The following SLCO6A1 variants were observed in gnomAD, a reference collection of about 807,000 sequenced individuals.
SLCO6A1 encodes cancer/testis antigen 48.
Under a neutral mutation model 72.7 loss-of-function variants are expected in SLCO6A1, and 65 were observed. The ratio of observed to expected loss-of-function variants is 0.89; its 90% CI spans 0.73 to 1.10. SLCO6A1 has a LOEUF of 1.10. Ranked by LOEUF, SLCO6A1 falls within the 50% of genes least tolerant of loss-of-function variation. SLCO6A1 has a pLI of 0.00. For synonymous variants in SLCO6A1, 314 were observed against 298.2 expected (o/e 1.05, Z -0.55); for missense variants, 874 against 872.6 (o/e 1.00, Z -0.02).
chr5:102,482,593 T>C (rs1444239851), intron 1 of SLCO6A1, among the ~76,000 whole-genome samples: 4 of 152,208 alleles, frequency 2.6e-5, no homozygotes, highest in Non-Finnish European at 5.9e-5. Context: ...CAATAAGACA[T>C]CATAATTATC....
intron 1 of SLCO6A1, among the ~76,000 whole-genome samples, chr5:102,492,762 C>A: frequency 6.6e-6 from 1 of 152,208 alleles, no homozygotes; most frequent in East Asian, 1.9e-4. Flanking sequence ...CTCAGAGGGT[C>A]CCATGCCCAC....
intron 6 of SLCO6A1, among the ~76,000 whole-genome samples, chr5:102,444,296 A>G (rs2112699974): frequency 6.6e-6 from 1 of 152,282 alleles, no homozygotes; most frequent in East Asian, 1.9e-4. Context: ...ATAGTGTCCC[A>G]ACTAATTTCT....
chr5:102,427,894 G>A (rs1360884259), intron 7 of SLCO6A1, among the ~76,000 whole-genome samples: 8 of 117,296 alleles, frequency 6.8e-5, no homozygotes, highest in African/African-American at 2.0e-4. Flanking sequence ...TTTTGAGACC[G>A]AGTCTTGCTC....
At chr5:102,426,608 G>C (rs1382481435) in intron 7 of SLCO6A1, among the ~76,000 whole-genome samples, 3 of 152,136 alleles carry the variant, frequency 2.0e-5, no homozygotes, top group Non-Finnish European at 4.4e-5. Context: ...TCATTAAAAA[G>C]TCAGGAAACA....
intron 1 of SLCO6A1, among the ~76,000 whole-genome samples, chr5:102,490,221 T>G (rs1695569016): frequency 6.6e-6 from 1 of 152,148 alleles, no homozygotes; most frequent in Non-Finnish European, 1.5e-5. Flanking sequence ...TACTGTATAC[T>G]TCAAAATAGC....
chr5:102,496,196 G>T (rs1339604926), intron 1 of SLCO6A1, among the ~76,000 whole-genome samples: 1 of 152,204 alleles, frequency 6.6e-6, no homozygotes, highest in African/African-American at 2.4e-5. Flanking sequence ...AACTGGGCAT[G>T]TATAGGGAAA....
intron 4 of SLCO6A1, among the ~76,000 whole-genome samples, chr5:102,463,888 A>T (rs1212904188): frequency 1.1e-5 from 1 of 94,326 alleles, no homozygotes. Flanking sequence ...CTCCGTCTCA[A>T]AAAAGAAGAA....
chr5:102,420,921 T>C (rs1435094360), intron 7 of SLCO6A1, among the ~76,000 whole-genome samples: 4 of 151,852 alleles, frequency 2.6e-5, no homozygotes, highest in Non-Finnish European at 5.9e-5. Flanking sequence ...AGGTACCCGG[T>C]TCATCTCACC....
chr5:102,475,977 T>C (rs950205269), intron 3 of SLCO6A1, among the ~76,000 whole-genome samples, 184 bp from the exon 4 acceptor site: 2 of 152,144 alleles, frequency 1.3e-5, no homozygotes, highest in Admixed American at 1.3e-4. Context: ...CCAAGTATCA[T>C]TATGTTCTCA....
rs1554065644 is a variant in SLCO6A1, at chr5:102,389,454, C to CG, written c.1880-630_1880-629insC. 6.3e-4 allele frequency among the ~76,000 whole-genome samples: 52 copies of CG among 82,172 alleles called. 1 individual carries two copies. The highest frequency in any genetic ancestry group is 1.1e-3 in the East Asian group (3 of 2,654). 53.9% of individuals were successfully genotyped at this position (82,172 alleles called of 152,430 possible). On this transcript the variant is annotated intron_variant, in intron 11 of 13. Coordinates refer to ENST00000506729, the MANE Select transcript of SLCO6A1 (RefSeq NM_173488.5). The stretch of plus-strand genomic sequence containing the variant: ...AACAGTCACACACCCCGCCCCCCAC[C>CG]CCCACACACACAGAGTTGCCCCCAA...
intron 4 of SLCO6A1, among the ~76,000 whole-genome samples, chr5:102,473,192 T>C (rs1751719738): frequency 6.6e-6 from 1 of 151,742 alleles, no homozygotes. Flanking sequence ...CAGACTAATA[T>C]CTCTGATGAA....
chr5:102,479,245 C>T (rs1752063021), intron 2 of SLCO6A1, among the ~76,000 whole-genome samples: 1 of 152,114 alleles, frequency 6.6e-6, no homozygotes, highest in African/African-American at 2.4e-5. Flanking sequence ...CTCTCTCCTG[C>T]TACAATGTGA....
At chr5:102,392,938 T>TA (rs1256310664) in intron 10 of SLCO6A1, among the ~76,000 whole-genome samples, 2 of 152,022 alleles carry the variant, frequency 1.3e-5, no homozygotes, top group Admixed American at 6.6e-5. Flanking sequence ...CGTTTCAAAA[T>TA]AAAAAAACAT....
At chr5:102,468,262 A>G (rs111860952) in intron 4 of SLCO6A1, among the ~76,000 whole-genome samples, 118 of 152,200 alleles carry the variant, frequency 7.8e-4, no homozygotes, top group African/African-American at 2.6e-3. Flanking sequence ...CATACAGTCT[A>G]TCTTGGAGAA....
At position 102,419,827 on chromosome 5, in the gene SLCO6A1, C is replaced by T; in HGVS notation, c.1471G>A (p.Gly491Arg). ...QFAGINEDYD[G>R]TGKLGNLTAP... Reference sequence around the variant, plus strand: ...TCTAATATACAAGACTACATTTACCCATCATAATCTTCATTGATCCCAGCA... The same window carrying T: ...TCTAATATACAAGACTACATTTACCTATCATAATCTTCATTGATCCCAGCA... The change falls in exon 8 of 14, where the codon GGA (glycine) becomes AGA (arginine). Residue 491 changes from glycine (G) to arginine (R), a missense_variant and splice_region_variant. By Grantham distance (125) the Gly-to-Arg change is moderately radical. Transcript: ENST00000506729. 1.9e-6 allele frequency: 3 copies of T among 1,588,656 alleles called. No individual in the cohort carries two copies. The highest frequency in any genetic ancestry group is 2.6e-6 in the Non-Finnish European group (3 of 1,172,510).
intron 4 of SLCO6A1, among the ~76,000 whole-genome samples, chr5:102,468,941 G>C (rs568248745): frequency 1.3e-3 from 191 of 152,124 alleles, no homozygotes; most frequent in African/African-American, 4.4e-3. Context: ...GCTTGTTTTT[G>C]TCAGGTTTGT....
chr5:102,496,822 G>T (rs1043156265), intron 1 of SLCO6A1, among the ~76,000 whole-genome samples: 3 of 152,076 alleles, frequency 2.0e-5, no homozygotes, highest in Non-Finnish European at 4.4e-5. Flanking sequence ...AGCCAAACTT[G>T]TCATTCACTA....
intron 4 of SLCO6A1, among the ~76,000 whole-genome samples, chr5:102,473,667 TA>T: frequency 6.6e-6 from 1 of 152,064 alleles, no homozygotes; most frequent in East Asian, 1.9e-4. Flanking sequence ...GAGGAAGAAG[TA>T]AAATTATCCC....
At chr5:102,461,599 A>C (rs1751041401) in intron 4 of SLCO6A1, among the ~76,000 whole-genome samples, 2 of 149,980 alleles carry the variant, frequency 1.3e-5, no homozygotes, top group Non-Finnish European at 1.5e-5. Flanking sequence ...TAAATGAGAC[A>C]AGAAGGAAAT....
Sources: allele counts gnomAD v4.1 joint callset (sites outside exome capture counted in the v4.1 genomes callset), GRCh38; gene constraint gnomAD v4.1.1; transcripts MANE v1.5; gene names NCBI Gene and HGNC (gene_info 2026-07-23, HGNC 2026-07-21).